The following MAGI1 variants were observed in gnomAD, a reference collection of about 807,000 sequenced individuals.
MAGI1 encodes membrane associated guanylate kinase, WW and PDZ domain containing 1.
MAGI1 carries 58 observed loss-of-function variants against 139.9 expected under a neutral mutation model. The observed-to-expected ratio is 0.41, with a 90% CI of 0.34 to 0.52. The LOEUF (loss-of-function observed/expected upper bound fraction) is 0.52, where lower values mean the gene tolerates loss of function less well. Among genes scored for constraint, MAGI1 ranks in the 20% least tolerant of loss-of-function variants. MAGI1 has a pLI of 0.12. For missense variants in MAGI1, 1,874 were observed against 1,901.6 expected, an observed-to-expected ratio of 0.99 and a Z score of 0.27; for synonymous variants, 812 against 737.9, an observed-to-expected ratio of 1.10 and a Z score of -1.63.
At chr3:65,785,220 TAAG>T (rs1160142577) in intron 1 of MAGI1, among the ~76,000 whole-genome samples, 2 of 151,438 alleles carry the variant, frequency 1.3e-5, no homozygotes, top group Non-Finnish European at 2.9e-5. Context: ...GTAGGTGTTT[TAAG>T]AAGTATTTGT....
intron 2 of MAGI1, among the ~76,000 whole-genome samples, chr3:65,539,439 T>C (rs1015441923): frequency 1.3e-5 from 2 of 152,222 alleles, no homozygotes; most frequent in African/African-American, 2.4e-5. Context: ...TATCAGCTAC[T>C]GTCAAAGAGA....
chr3:65,654,459 A>G (rs909123319), intron 1 of MAGI1, among the ~76,000 whole-genome samples: 1 of 152,188 alleles, frequency 6.6e-6, no homozygotes, highest in African/African-American at 2.4e-5. Flanking sequence ...AAAGAGAGAA[A>G]AACAGTTATG....
At chr3:65,653,017 C>T (rs111544730) in intron 1 of MAGI1, among the ~76,000 whole-genome samples, 1 of 152,140 alleles carries the variant, frequency 6.6e-6, no homozygotes, top group Admixed American at 6.6e-5. Context: ...ACCAGGAGAG[C>T]TTATCCAGCA....
intron 2 of MAGI1, among the ~76,000 whole-genome samples, chr3:65,528,580 TC>T (rs1229629149): frequency 6.6e-6 from 1 of 152,208 alleles, no homozygotes; most frequent in Non-Finnish European, 1.5e-5. Flanking sequence ...GAAGAAAATA[TC>T]ACCTATCACA....
At chr3:65,628,860 GT>G (rs1189284942) in intron 1 of MAGI1, among the ~76,000 whole-genome samples, 3 of 152,182 alleles carry the variant, frequency 2.0e-5, no homozygotes, top group African/African-American at 7.2e-5. Flanking sequence ...TTCTATTATA[GT>G]TTTTAAATTG....
intron 10 of MAGI1, among the ~76,000 whole-genome samples, chr3:65,433,211 G>T (rs1287271371): frequency 6.6e-6 from 1 of 152,080 alleles, no homozygotes; most frequent in Non-Finnish European, 1.5e-5. Context: ...ACACAGAAAT[G>T]ATATTTATCA....
intron 1 of MAGI1, among the ~76,000 whole-genome samples, chr3:65,833,897 C>G (rs2042664195): frequency 6.6e-6 from 1 of 152,214 alleles, no homozygotes; most frequent in Non-Finnish European, 1.5e-5. Flanking sequence ...TATGAACTTT[C>G]ACAAGCTCCC....
chr3:65,377,976 T>C (rs1237934416), intron 17 of MAGI1, among the ~76,000 whole-genome samples: 1 of 152,200 alleles, frequency 6.6e-6, no homozygotes, highest in Non-Finnish European at 1.5e-5. Context: ...TTCTAGCCAG[T>C]TTCCATGTGG....
At position 65,356,560 on chromosome 3, in the gene MAGI1, G is replaced by A. The variant is rs1940205870; in HGVS notation, c.4207C>T (p.Arg1403Cys). 4 of 1,607,696 alleles carry A rather than the reference G, an allele frequency of 2.5e-6. No homozygotes were observed. Among genetic ancestry groups the A allele is most frequent in the Non-Finnish European group, 2.5e-6 (3 of 1,179,162 alleles). Residue 1403 changes from arginine to cysteine, a missense_variant, in exon 23 of 23, where the codon CGC becomes TGC. Arg to Cys is a radical substitution (Grantham distance 180). This residue lies in a region of MAGI1 where 653 missense variants were observed against 644.5 expected (regional missense o/e 1.01). Coordinates refer to ENST00000402939, the MANE Select transcript of MAGI1 (RefSeq NM_001033057.2). ...ERRAKSTDRR[R>C]ARSPERRRER... ...CTCCTGCGCTCGGGGGAGCGTGCGC[G>A]CCTCCGGTCGGTGGACTTGGCCCTG...
chr3:65,686,130 C>T (rs1468533325), intron 1 of MAGI1, among the ~76,000 whole-genome samples: 1 of 152,122 alleles, frequency 6.6e-6, no homozygotes, highest in African/African-American at 2.4e-5. Context: ...TTTTCTTTGG[C>T]CCCTGGCTCT....
rs2065565048 is a variant in MAGI1, at chr3:65,981,239, T to C, written c.313+56757A>G. 4.6e-5 allele frequency among the ~76,000 whole-genome samples: 7 copies of C among 152,302 alleles called. No individual in the cohort carries two copies. In the South Asian group the frequency reaches 1.5e-3, roughly 32 times the overall value. On this transcript the variant is annotated intron_variant, in intron 1 of 22. Transcript: ENST00000402939. ...TTATTTCAAGAGCTCCGTAGCCATG[T>C]GTGGCTTTTAGCTTCTATATTGGAT...
At chr3:65,603,626 G>A (rs955397271) in intron 2 of MAGI1, among the ~76,000 whole-genome samples, 8 of 152,190 alleles carry the variant, frequency 5.3e-5, no homozygotes. Context: ...TGCTGGTCTT[G>A]TAAGCCTGAA....
intron 1 of MAGI1, among the ~76,000 whole-genome samples, chr3:65,981,743 A>G (rs2065593264): frequency 6.6e-6 from 1 of 152,100 alleles, no homozygotes; most frequent in African/African-American, 2.4e-5. Context: ...TTATAAGGGG[A>G]AACCCCTTTT....
At chr3:65,617,773 T>A (rs968063734) in intron 2 of MAGI1, among the ~76,000 whole-genome samples, 2 of 145,586 alleles carry the variant, frequency 1.4e-5, no homozygotes, top group African/African-American at 5.6e-5. Flanking sequence ...AAGAAAAAAA[T>A]AAAAGAAGAA....
intron 2 of MAGI1, among the ~76,000 whole-genome samples, chr3:65,612,621 A>G (rs992179063): frequency 3.3e-5 from 5 of 152,202 alleles, no homozygotes; most frequent in African/African-American, 1.2e-4. Flanking sequence ...AACACAAACT[A>G]GGTAGGGCAA....
At chr3:65,565,558 T>A (rs897565126) in intron 2 of MAGI1, among the ~76,000 whole-genome samples, 1 of 152,130 alleles carries the variant, frequency 6.6e-6, no homozygotes, top group Non-Finnish European at 1.5e-5. Flanking sequence ...CTACTCTCAT[T>A]AAGAAACATT....
chr3:65,616,821 T>C (rs758337492), intron 2 of MAGI1, among the ~76,000 whole-genome samples: 6 of 152,220 alleles, frequency 3.9e-5, no homozygotes, highest in Non-Finnish European at 8.8e-5. Flanking sequence ...GACAAACTAT[T>C]TTCCAACATC....
At chr3:65,542,403 G>A (rs2079277196) in intron 2 of MAGI1, among the ~76,000 whole-genome samples, 1 of 152,128 alleles carries the variant, frequency 6.6e-6, no homozygotes, top group African/African-American at 2.4e-5. Context: ...TTTCTTCACA[G>A]AATTAGAAAA....
At chr3:66,027,873 A>G (rs1163102812) in intron 1 of MAGI1, among the ~76,000 whole-genome samples, 1 of 152,140 alleles carries the variant, frequency 6.6e-6, no homozygotes, top group Non-Finnish European at 1.5e-5. Context: ...TAGATGCCAG[A>G]AGCAACCCTC....
Sources: gnomAD v4.1 joint callset for allele counts (sites outside exome capture counted in the v4.1 genomes callset) on GRCh38, gnomAD v4.1.1 for gene constraint, gnomAD v4.1.1 regional missense constraint, MANE v1.5 for transcripts, NCBI Gene and HGNC (gene_info 2026-07-23, HGNC 2026-07-21) for gene names.